Variants in CRY2 observed in about 807,000 individuals in gnomAD.
CRY2 encodes cryptochrome-2.
CRY2 carries 31 observed loss-of-function variants against 69.5 expected under a neutral mutation model. That is an observed-to-expected ratio of 0.45 (90% CI 0.34 to 0.60). The LOEUF is 0.60. Ranked by LOEUF, CRY2 falls within the 20% of genes least tolerant of loss-of-function variation. CRY2 has a pLI of 0.02. For synonymous variants in CRY2, 303 were observed against 312.2 expected (o/e 0.97, Z 0.31); for missense variants, 606 against 797.8 (o/e 0.76, Z 2.90).
chr11:45,861,191 A>G (rs1434207974), intron 4 of CRY2, 159 bp downstream of exon 4: 1 of 716,950 alleles, frequency 1.4e-6, no homozygotes, highest in African/African-American at 1.8e-5. Context: ...AGAGGTAACC[A>G]CAATTAATTT....
intron 2 of CRY2, among the ~76,000 whole-genome samples, chr11:45,857,977 G>A (rs994586213): frequency 3.3e-5 from 5 of 152,232 alleles, no homozygotes; most frequent in African/African-American, 1.2e-4. Flanking sequence ...TATGACCAGA[G>A]ACTTTGGAGA....
In CRY2 at chr11:45,862,158, G is replaced by A. The variant is rs752970124; in HGVS notation, c.741+10G>A. 40 of 1,610,380 alleles carry A rather than the reference G, an allele frequency of 2.5e-5. No individual in the cohort carries two copies. The highest frequency in any genetic ancestry group is 1.3e-4 in the East Asian group (6 of 44,818). On this transcript the variant is annotated intron_variant, in intron 5 of 11. Coordinates refer to ENST00000616080, the MANE Select transcript of CRY2 (RefSeq NM_021117.5). ...GCACTTGGAACGGAAGGTATGGGCC[G>A]TTTCTGAGACACAGAGCTGCAGATA...
intron 1 of CRY2, among the ~76,000 whole-genome samples, chr11:45,852,469 C>T (rs2086205300): frequency 6.6e-6 from 1 of 152,194 alleles, no homozygotes; most frequent in Non-Finnish European, 1.5e-5. Context: ...ACAGCTGTCA[C>T]CTGGCAGGCC....
chr11:45,851,320 A>G (rs1313702864), intron 1 of CRY2, among the ~76,000 whole-genome samples: 1 of 152,166 alleles, frequency 6.6e-6, no homozygotes, highest in Non-Finnish European at 1.5e-5. Flanking sequence ...GGACAGAGGG[A>G]ATTTGTAGAA....
At chr11:45,860,773 G>A in intron 3 of CRY2, 75 bp from the exon 4 acceptor site, 2 of 1,524,790 alleles carry the variant, frequency 1.3e-6, no homozygotes, top group African/African-American at 2.8e-5. Flanking sequence ...CAGAGTCTGG[G>A]TTCTTTTTTG....
intron 11 of CRY2, among the ~76,000 whole-genome samples, chr11:45,880,608 C>T (rs2086464049): frequency 6.6e-6 from 1 of 152,190 alleles, no homozygotes; most frequent in South Asian, 2.1e-4. Context: ...CAAGTATCCC[C>T]CAGGGCTTCA....
intron 3 of CRY2, among the ~76,000 whole-genome samples, chr11:45,860,475 C>T (rs2086278741): frequency 6.6e-6 from 1 of 151,332 alleles, no homozygotes; most frequent in African/African-American, 2.4e-5. Flanking sequence ...TATGGGGATT[C>T]CCTTAGCTTG....
At chr11:45,847,443 G>A (rs775021047), upstream of CRY2, 16 of 1,593,582 alleles carry the variant, frequency 1.0e-5, no homozygotes, top group Non-Finnish European at 1.3e-5. Flanking sequence ...CGGGGTCCAC[G>A]TCGCCTACCG....
rs1489769063 is a variant in CRY2 at position 45,867,954 on chromosome 11, A to G, written c.882+202A>G. 1.6e-5 allele frequency: 10 copies of G among 630,496 alleles called. 1 individual carries two copies. The South Asian group carries it at 2.3e-4, about 14-fold the overall frequency. The allele number at this position is 630,496 out of a possible 1,614,324, so 39.1% of individuals were successfully genotyped here. On this transcript the variant is annotated intron_variant, in intron 6 of 11. Transcript: ENST00000616080. ...GAGCCAAGCACAGAGTGAACTGCCC[A>G]CCAGAATGAAGCCCAGACCATCATG... is the stretch of plus-strand genomic sequence containing the variant.
intron 9 of CRY2, 38 bp downstream of exon 9, chr11:45,870,570 C>CA: frequency 3.1e-6 from 5 of 1,606,228 alleles, no homozygotes; most frequent in Non-Finnish European, 4.3e-6. Flanking sequence ...AAGGGAAGGA[C>CA]AGCACCTACA....
At chr11:45,873,066 C>T (rs1347506496) in intron 11 of CRY2, among the ~76,000 whole-genome samples, 2 of 152,216 alleles carry the variant, frequency 1.3e-5, no homozygotes, top group East Asian at 1.9e-4. Context: ...TCCCTGGCAG[C>T]GCTCATCTTG....
intron 1 of CRY2, among the ~76,000 whole-genome samples, chr11:45,853,581 G>A (rs2086214867): frequency 6.6e-6 from 1 of 152,166 alleles, no homozygotes; most frequent in African/African-American, 2.4e-5. Context: ...CAGCCTGGTG[G>A]ACTGTGAAGG....
intron 5 of CRY2, among the ~76,000 whole-genome samples, chr11:45,864,545 A>T (rs894110560): frequency 6.6e-6 from 1 of 152,002 alleles, no homozygotes; most frequent in Non-Finnish European, 1.5e-5. Flanking sequence ...ACTTAAGCCC[A>T]GGAAGTCATG....
At chr11:45,856,596 G>A (rs2134631898) in intron 2 of CRY2, among the ~76,000 whole-genome samples, 1 of 152,272 alleles carries the variant, frequency 6.6e-6, no homozygotes, top group Admixed American at 6.5e-5. Context: ...GGAGATCCAG[G>A]CCATCCTGGC....
chr11:45,855,899 G>C (rs1029540184), intron 1 of CRY2, 83 bp from the exon 2 acceptor site: 1 of 1,229,160 alleles, frequency 8.1e-7, no homozygotes, highest in African/African-American at 1.5e-5. Context: ...CATAAACAGC[G>C]AACCAGTTTC....
At position 45,882,719 on chromosome 11, in the gene CRY2, C is replaced by T; in HGVS notation, c.*1808C>T. On this transcript the variant is annotated 3_prime_UTR_variant, in exon 12 of 12. Transcript: ENST00000616080. ...CCAGTCGAGAGGAAAGAGAATCGGG[C>T]CACTGCCAGAAAGAGAGTCAAGCAA... 3 of 398,886 alleles carry T rather than the reference C, an allele frequency of 7.5e-6. No homozygotes were observed. Among genetic ancestry groups the T allele is most frequent in the Admixed American group, 8.8e-5 (2 of 22,742 alleles). 24.7% of individuals were successfully genotyped at this position (398,886 alleles called of 1,614,324 possible).
intron 10 of CRY2, among the ~76,000 whole-genome samples, chr11:45,871,492 G>A (rs2086382151): frequency 6.6e-6 from 1 of 152,158 alleles, no homozygotes; most frequent in East Asian, 1.9e-4. Context: ...TTGGACTTAG[G>A]TCTGAAAAAG....
At chr11:45,854,313 A>G (rs1271929128) in intron 1 of CRY2, among the ~76,000 whole-genome samples, 1 of 152,192 alleles carries the variant, frequency 6.6e-6, no homozygotes, top group Non-Finnish European at 1.5e-5. Flanking sequence ...CTATTAGAGA[A>G]CAGGATTCCA....
upstream of CRY2, chr11:45,847,391 G>C (rs939758985): frequency 1.9e-6 from 3 of 1,597,266 alleles, no homozygotes; most frequent in Admixed American, 1.7e-5. Context: ...CGGGGACTAA[G>C]GGTGGAGTTG....
Sources: gnomAD v4.1 joint callset for allele counts (sites outside exome capture counted in the v4.1 genomes callset) on GRCh38, gnomAD v4.1.1 for gene constraint, MANE v1.5 for transcripts, NCBI Gene and HGNC (gene_info 2026-07-23, HGNC 2026-07-21) for gene names.